Variants in SDK1 observed in about 807,000 individuals in gnomAD.
SDK1 encodes sidekick cell adhesion molecule 1.
SDK1 carries 157 observed loss-of-function variants against 245.5 expected under a neutral mutation model. The ratio of observed to expected loss-of-function variants is 0.64; its 90% CI spans 0.56 to 0.73. SDK1 has a LOEUF of 0.73. Among genes scored for constraint, SDK1 ranks in the 30% least tolerant of loss-of-function variants. The pLI is 0.00. For synonymous variants in SDK1, 1,647 were observed against 1,278.5 expected, an observed-to-expected ratio of 1.29 and a Z score of -6.15; for missense variants, 3,583 against 3,002.3, an observed-to-expected ratio of 1.19 and a Z score of -4.52.
chr7:3,729,393 G>A (rs1583349662), intron 4 of SDK1, among the ~76,000 whole-genome samples: 2 of 152,146 alleles, frequency 1.3e-5, no homozygotes, highest in East Asian at 3.9e-4. Context: ...CGAGGGGGAG[G>A]ATTTATCCCT....
At chr7:4,136,085 A>G (rs1467099988) in intron 28 of SDK1, among the ~76,000 whole-genome samples, 2 of 152,210 alleles carry the variant, frequency 1.3e-5, no homozygotes, top group Non-Finnish European at 1.5e-5. Context: ...AGTGAGGAGA[A>G]GGATAATCAC....
chr7:3,461,290 C>T (rs1261033838), intron 1 of SDK1, among the ~76,000 whole-genome samples: 2 of 152,168 alleles, frequency 1.3e-5, no homozygotes, highest in African/African-American at 4.8e-5. Flanking sequence ...TGTGACAATT[C>T]TGTGAGCGAC....
chr7:3,923,781 C>T (rs1779674380), intron 5 of SDK1, among the ~76,000 whole-genome samples: 1 of 152,230 alleles, frequency 6.6e-6, no homozygotes, highest in South Asian at 2.1e-4. Context: ...CAGCCTGTAC[C>T]TCAGCCCTCA....
At chr7:3,343,404 A>G (rs1780406627) in intron 1 of SDK1, among the ~76,000 whole-genome samples, 1 of 152,218 alleles carries the variant, frequency 6.6e-6, no homozygotes, top group Non-Finnish European at 1.5e-5. Context: ...CTATTCTAAA[A>G]GGTTATATGT....
chr7:3,397,011 T>C (rs1778728362), intron 1 of SDK1, among the ~76,000 whole-genome samples: 1 of 151,858 alleles, frequency 6.6e-6, no homozygotes, highest in Non-Finnish European at 1.5e-5. Flanking sequence ...TCTTTTAGTA[T>C]ATATTTTGAG....
chr7:4,231,728 T>C (rs1785782695), intron 40 of SDK1, among the ~76,000 whole-genome samples: 1 of 152,236 alleles, frequency 6.6e-6, no homozygotes. Flanking sequence ...CATTAACCTG[T>C]GACTGTAAGG....
At position 4,214,576 on chromosome 7, in the gene SDK1, G is replaced by A. The variant is rs727170; in HGVS notation, c.5539+4414G>A. Among the ~76,000 whole-genome samples, 556 of 152,306 alleles carry A rather than the reference G, an allele frequency of 3.7e-3. 4 individuals are homozygous for A. The highest frequency in any genetic ancestry group is 0.013 in the African/African-American group (534 of 41,564). ...CCTTCCTTGGCTCTGCAGGCTGAGG[G>A]GCGGCCAGGATCTCAGCAGAAAAAG... On this transcript the variant is annotated intron_variant, in intron 38 of 44. Transcript: ENST00000404826.
chr7:3,471,718 G>T (rs6974577), intron 1 of SDK1, among the ~76,000 whole-genome samples: 61,570 of 152,016 alleles, frequency 0.41, 13,304 homozygotes, highest in South Asian at 0.51. Flanking sequence ...AAGAAACAGA[G>T]AAAATACTGC....
chr7:3,802,173 G>A (rs1390397736), intron 4 of SDK1, among the ~76,000 whole-genome samples: 2 of 152,124 alleles, frequency 1.3e-5, no homozygotes, highest in Non-Finnish European at 2.9e-5. Flanking sequence ...CTAGTACAAT[G>A]TGTGTTTGTA....
chr7:3,477,589 G>A (rs1270663067), intron 1 of SDK1, among the ~76,000 whole-genome samples: 2 of 149,542 alleles, frequency 1.3e-5, no homozygotes, highest in East Asian at 2.0e-4. Flanking sequence ...GTCATAGCTC[G>A]CTGCAACCTC....
rs906880517 is a variant in SDK1 at position 4,079,383 on chromosome 7, T to C, written c.3203-80T>C. The C allele has an allele frequency of 1.6e-5, 25 of 1,534,658 alleles. No homozygotes were observed. In the African/African-American group the frequency reaches 3.0e-4, roughly 19 times the overall value. On this transcript the variant is annotated intron_variant, in intron 21 of 44. Coordinates refer to ENST00000404826, the MANE Select transcript of SDK1 (RefSeq NM_152744.4). Reference sequence around the variant, plus strand: ...AGAATCGTTTTGAAACTGTTTACTTTTGAAGCTGACACGTTTGATACCTTT... The same window carrying C: ...AGAATCGTTTTGAAACTGTTTACTTCTGAAGCTGACACGTTTGATACCTTT...
At chr7:3,820,324 A>G (rs530542788) in intron 4 of SDK1, among the ~76,000 whole-genome samples, 1 of 152,018 alleles carries the variant, frequency 6.6e-6, no homozygotes, top group Non-Finnish European at 1.5e-5. Flanking sequence ...TAATTTTTGT[A>G]TTTTCAGTAG....
At chr7:3,722,303 G>A (rs1341674950) in intron 4 of SDK1, among the ~76,000 whole-genome samples, 3 of 152,164 alleles carry the variant, frequency 2.0e-5, no homozygotes, top group African/African-American at 7.2e-5. Flanking sequence ...AGAGACAGGA[G>A]CCCCAAGAAC....
At chr7:3,383,485 C>T (rs1465394609) in intron 1 of SDK1, among the ~76,000 whole-genome samples, 2 of 152,070 alleles carry the variant, frequency 1.3e-5, no homozygotes, top group African/African-American at 4.8e-5. Context: ...AGATGTGAAG[C>T]GGTTTTAGCC....
intron 7 of SDK1, among the ~76,000 whole-genome samples, chr7:3,955,162 G>A (rs886595112): frequency 7.2e-5 from 11 of 152,128 alleles, no homozygotes; most frequent in African/African-American, 2.7e-4. Context: ...TCACTGGGAT[G>A]GACTCTTTAC....
At chr7:3,505,441 G>A (rs1295896027) in intron 1 of SDK1, among the ~76,000 whole-genome samples, 1 of 152,052 alleles carries the variant, frequency 6.6e-6, no homozygotes, top group Non-Finnish European at 1.5e-5. Flanking sequence ...TGCAGGGATG[G>A]GGTCTCACTC....
intron 28 of SDK1, among the ~76,000 whole-genome samples, chr7:4,136,994 C>G (rs951282938): frequency 6.6e-6 from 1 of 152,238 alleles, no homozygotes; most frequent in African/African-American, 2.4e-5. Flanking sequence ...TGCCCACCAA[C>G]AGCAGCTGCA....
intron 38 of SDK1, among the ~76,000 whole-genome samples, chr7:4,216,345 C>G (rs979432954): frequency 6.6e-6 from 1 of 152,188 alleles, no homozygotes; most frequent in Non-Finnish European, 1.5e-5. Context: ...AGACTGGCCC[C>G]GCCCCACGGC....
At chr7:4,061,105 G>A (rs201359311) in intron 19 of SDK1, among the ~76,000 whole-genome samples, 1,897 of 152,260 alleles carry the variant, frequency 0.012, 69 homozygotes, top group Admixed American at 0.069. Context: ...TTTTGGCTTA[G>A]GATTGACTTG....
Sources: gnomAD v4.1 joint callset for allele counts (sites outside exome capture counted in the v4.1 genomes callset) on GRCh38, gnomAD v4.1.1 for gene constraint, MANE v1.5 for transcripts, NCBI Gene and HGNC (gene_info 2026-07-23, HGNC 2026-07-21) for gene names.